Variants in SPTBN4 observed in about 807,000 individuals in gnomAD.
SPTBN4 encodes the protein spectrin beta, non-erythrocytic 4.
A neutral mutation model predicts 277.8 loss-of-function variants in SPTBN4; 96 were observed. The ratio of observed to expected loss-of-function variants is 0.35; its 90% CI spans 0.29 to 0.41. SPTBN4 has a LOEUF of 0.41. SPTBN4 is among the 10% of genes least tolerant of loss of function. The probability of loss-of-function intolerance (pLI) is 1.00; values close to 1 mark genes in which losing one functional copy is unlikely to be tolerated. For missense variants in SPTBN4, 3,006 were observed against 3,595.7 expected (o/e 0.84, Z 4.19); for synonymous variants, 1,481 against 1,580.3 (o/e 0.94, Z 1.49).
chr19:40,552,328 G>A (rs1050298884), intron 22 of SPTBN4, among the ~76,000 whole-genome samples: 4 of 151,784 alleles, frequency 2.6e-5, no homozygotes, highest in Admixed American at 6.6e-5. Context: ...GGTGTCGGGC[G>A]CCTGTAATCC....
chr19:40,508,653 A>G (rs1203694818), intron 13 of SPTBN4, among the ~76,000 whole-genome samples: 1 of 152,206 alleles, frequency 6.6e-6, no homozygotes, highest in African/African-American at 2.4e-5. Flanking sequence ...GTGCCACTGC[A>G]CACCAGCCTG....
intron 26 of SPTBN4, among the ~76,000 whole-genome samples, chr19:40,558,935 T>C (rs1438854183): frequency 7.0e-6 from 1 of 142,914 alleles, no homozygotes; most frequent in Non-Finnish European, 1.5e-5. Flanking sequence ...TTATTATTAT[T>C]ATTATTATTA....
chr19:40,486,396 G>A (rs1482169072), intron 2 of SPTBN4, among the ~76,000 whole-genome samples: 1 of 151,392 alleles, frequency 6.6e-6, no homozygotes, highest in Non-Finnish European at 1.5e-5. Flanking sequence ...TTGAGACAGG[G>A]TCTGGCTCTG....
chr19:40,522,411 C>T (rs897488065), intron 16 of SPTBN4, among the ~76,000 whole-genome samples: 2 of 144,672 alleles, frequency 1.4e-5, no homozygotes, highest in African/African-American at 2.6e-5. Context: ...AGTGCAGTGG[C>T]GTGATCTTGG....
intron 22 of SPTBN4, among the ~76,000 whole-genome samples, chr19:40,552,980 G>A (rs150222954): frequency 3.4e-4 from 52 of 152,248 alleles, no homozygotes; most frequent in African/African-American, 1.1e-3. Context: ...TAACAACCCC[G>A]CAAGGTAGAT....
chr19:40,529,173 A>C, intron 18 of SPTBN4, 42 bp downstream of exon 18: 9 of 1,482,446 alleles, frequency 6.1e-6, no homozygotes, highest in Non-Finnish European at 8.5e-6. Flanking sequence ...CATCCCCTTT[A>C]GTCGGGAGGG....
chr19:40,569,516 G>A (rs2081129288), intron 31 of SPTBN4, 141 bp from the exon 32 acceptor site: 8 of 757,036 alleles, frequency 1.1e-5, no homozygotes, highest in Middle Eastern at 3.1e-4. Context: ...CCTAAGGCGA[G>A]CATCTGAGAG....
chr19:40,495,016 GC>G, intron 6 of SPTBN4, 39 bp downstream of exon 6: 4 of 1,591,186 alleles, frequency 2.5e-6, no homozygotes, highest in Non-Finnish European at 2.6e-6. Flanking sequence ...CTGCCCTTCA[GC>G]CCCCCATATC....
At chr19:40,470,986 G>C (rs1476254572) in intron 1 of SPTBN4, among the ~76,000 whole-genome samples, 2 of 148,088 alleles carry the variant, frequency 1.4e-5, no homozygotes, top group Non-Finnish European at 3.0e-5. Flanking sequence ...GTCTTGCTCT[G>C]TCTCCCAGGC....
Position 40,560,235 on chromosome 19 carries a change from G to A in SPTBN4, c.5747G>A (p.Arg1916Gln), listed in dbSNP as rs202134321. Residue 1916 changes from arginine to glutamine, a missense_variant, in exon 27 of 36, where the codon CGG becomes CAG. This residue lies in a region of SPTBN4 where 425 missense variants were observed against 594.7 expected (regional missense o/e 0.71). Coordinates refer to ENST00000598249, the MANE Select transcript of SPTBN4 (RefSeq NM_020971.3). This position sits in a 1 kb window ranked among gnomAD's most constrained non-coding sequence, Gnocchi z 5.2. ...AGEHAEAIAS[R>Q]EQEVLQGWKE... is the part of the protein sequence containing the mutation. Reference sequence around the variant, plus strand: ...GAACATGCCGAGGCCATCGCTAGCCGGGAGCAGGAGGTGCTGCAGGGTTGG... The same window carrying A: ...GAACATGCCGAGGCCATCGCTAGCCAGGAGCAGGAGGTGCTGCAGGGTTGG... The A allele has an allele frequency of 8.9e-5, 144 of 1,611,974 alleles. No homozygotes were observed. The East Asian group carries it at 1.8e-3, about 20-fold the overall frequency.
chr19:40,521,917 G>C (rs1432775335), intron 16 of SPTBN4, among the ~76,000 whole-genome samples: 1 of 152,146 alleles, frequency 6.6e-6, no homozygotes, highest in African/African-American at 2.4e-5. Flanking sequence ...CCAAAGTGCT[G>C]GGATTGCAGG....
In SPTBN4 at chr19:40,560,677, C is replaced by T. The variant is rs917177728; in HGVS notation, c.5915+274C>T. ...CTCCATGGGATGTCACAGCATGAAACAGGCTAAAGACAGGATGGGCAAGGG... is the reference window on the plus strand; with the variant it reads ...CTCCATGGGATGTCACAGCATGAAATAGGCTAAAGACAGGATGGGCAAGGG... On this transcript the variant is annotated intron_variant, in intron 27 of 35. Coordinates refer to ENST00000598249, the MANE Select transcript of SPTBN4 (RefSeq NM_020971.3). This position sits in a 1 kb window ranked among gnomAD's most constrained non-coding sequence, Gnocchi z 5.2. 26 of 1,423,922 alleles carry T rather than the reference C, an allele frequency of 1.8e-5. No homozygotes were observed. Among genetic ancestry groups the T allele is most frequent in the Non-Finnish European group, 2.3e-5 (25 of 1,092,458 alleles). 88.2% of individuals were successfully genotyped at this position (1,423,922 alleles called of 1,614,324 possible). A position where few individuals can be genotyped will look rare whatever the true frequency, so the allele number is the denominator to read the frequency against.
chr19:40,491,338 G>C (rs2080133282), intron 4 of SPTBN4, among the ~76,000 whole-genome samples: 2 of 152,106 alleles, frequency 1.3e-5, no homozygotes, highest in East Asian at 3.9e-4. Flanking sequence ...GAGGCTCAGG[G>C]GATGGAAGGG....
rs752752948 is a variant in SPTBN4, at chr19:40,502,286, G to A, written c.1056G>A (p.Thr352=). Reference sequence around the variant, plus strand: ...TGCAGCAGCAACTCCAGGCTTTCACGGCCTATTGCACGCTGGAGAAGCCTG... The same window carrying A: ...TGCAGCAGCAACTCCAGGCTTTCACAGCCTATTGCACGCTGGAGAAGCCTG... ...SGVQQQLQAF[T]AYCTLEKPVK... Residue 352 remains threonine (T), a synonymous_variant, in exon 9 of 36, where the codon ACG becomes ACA. Transcript: ENST00000598249. This position sits in a 1 kb window ranked among gnomAD's most constrained non-coding sequence, Gnocchi z 4.9. 3.7e-6 allele frequency: 6 copies of A among 1,613,484 alleles called. No individual in the cohort carries two copies. Among genetic ancestry groups the A allele is most frequent in the African/African-American group, 2.7e-5 (2 of 74,910 alleles).
chr19:40,540,465 C>G, intron 20 of SPTBN4, among the ~76,000 whole-genome samples: 1 of 151,992 alleles, frequency 6.6e-6, no homozygotes, highest in Non-Finnish European at 1.5e-5. Flanking sequence ...TGGTCACAAA[C>G]TCCTGGGCTC....
intron 31 of SPTBN4, among the ~76,000 whole-genome samples, 163 bp downstream of exon 31, chr19:40,568,445 TAA>T (rs887765003): frequency 6.6e-6 from 1 of 152,198 alleles, no homozygotes; most frequent in African/African-American, 2.4e-5. Flanking sequence ...AGCTGCAAGA[TAA>T]TCGATGTGCC....
At position 40,500,803 on chromosome 19, in the gene SPTBN4, C is replaced by T. The variant is rs567258188; in HGVS notation, c.785-1118C>T. Among the ~76,000 whole-genome samples the T allele has an allele frequency of 1.6e-4, 24 of 150,720 alleles. 1 individual carries two copies. In the South Asian group the frequency reaches 2.7e-3, roughly 17 times the overall value. ...CAGAGGTTGTGGTGGGCCAAGATCA[C>T]GCCATTGCACTCCAGCCTGGGCAAT... On this transcript the variant is annotated intron_variant, in intron 7 of 35. Coordinates refer to ENST00000598249, the MANE Select transcript of SPTBN4 (RefSeq NM_020971.3).
At chr19:40,558,461 T>C (rs917336265) in intron 26 of SPTBN4, among the ~76,000 whole-genome samples, 1 of 152,120 alleles carries the variant, frequency 6.6e-6, no homozygotes, top group Non-Finnish European at 1.5e-5. Context: ...AACAGAGATA[T>C]TAGAAATTAG....
At position 40,575,599 on chromosome 19, in the gene SPTBN4, G is replaced by A. The variant is rs1241870496; in HGVS notation, c.*30G>A. The A allele has an allele frequency of 3.1e-6, 5 of 1,592,554 alleles. No homozygotes were observed. Among genetic ancestry groups the A allele is most frequent in the Non-Finnish European group, 4.3e-6 (5 of 1,169,532 alleles). On this transcript the variant is annotated 3_prime_UTR_variant, in exon 36 of 36. Coordinates refer to ENST00000598249, the MANE Select transcript of SPTBN4 (RefSeq NM_020971.3). The stretch of plus-strand genomic sequence containing the variant: ...CCACCCCCAGGACCTGACACATCTC[G>A]TCTCCCCTCTTTTCCGCACTGTGGG...
Sources: allele counts gnomAD v4.1 joint callset (sites outside exome capture counted in the v4.1 genomes callset), GRCh38; gene constraint gnomAD v4.1.1; regional missense constraint gnomAD v4.1.1; non-coding constraint Gnocchi (gnomAD v3.1); transcripts MANE v1.5; gene names NCBI Gene and HGNC (gene_info 2026-07-23, HGNC 2026-07-21).